Variants in HCRTR2 observed in about 807,000 individuals in gnomAD.
The protein encoded by HCRTR2 is orexin receptor type 2.
A neutral mutation model predicts 49.0 loss-of-function variants in HCRTR2; 22 were observed. That is an observed-to-expected ratio of 0.45 (90% CI 0.32 to 0.64). The LOEUF is 0.64. Among genes scored for constraint, HCRTR2 ranks in the 30% least tolerant of loss-of-function variants. The pLI, the probability that HCRTR2 is intolerant of heterozygous loss-of-function variation, is 0.04. For synonymous variants in HCRTR2, 236 were observed against 205.3 expected (o/e 1.15, Z -1.28); for missense variants, 491 against 559.4 (o/e 0.88, Z 1.23).
chr6:55,150,900 G>A (rs551336566), intron 1 of HCRTR2, among the ~76,000 whole-genome samples: 1 of 152,042 alleles, frequency 6.6e-6, no homozygotes, highest in Admixed American at 6.6e-5. Flanking sequence ...CTACAATAAA[G>A]TGAATATCAC....
chr6:55,192,809 G>T (rs572441886), intron 1 of HCRTR2, among the ~76,000 whole-genome samples: 2 of 152,114 alleles, frequency 1.3e-5, no homozygotes, highest in South Asian at 4.1e-4. Flanking sequence ...TGTAGTTGTT[G>T]CCCATTTTTC....
intron 4 of HCRTR2, among the ~76,000 whole-genome samples, chr6:55,276,390 C>CA: frequency 6.6e-6 from 1 of 152,228 alleles, no homozygotes; most frequent in East Asian, 1.9e-4. Context: ...TAAAAAGCAA[C>CA]AAAATCTATC....
chr6:55,188,957 A>G (rs1020711519), intron 1 of HCRTR2, among the ~76,000 whole-genome samples: 3 of 152,222 alleles, frequency 2.0e-5, no homozygotes, highest in Admixed American at 2.0e-4. Flanking sequence ...AAGTACTAAG[A>G]TTAAATGCAT....
At chr6:55,209,738 T>A (rs1273540202) in intron 1 of HCRTR2, among the ~76,000 whole-genome samples, 1 of 152,226 alleles carries the variant, frequency 6.6e-6, no homozygotes, top group Non-Finnish European at 1.5e-5. Flanking sequence ...TGGCAATACT[T>A]ACTTTAAAGT....
chr6:55,281,609 TA>T (rs1271191791), intron 6 of HCRTR2, among the ~76,000 whole-genome samples: 8 of 152,222 alleles, frequency 5.3e-5, no homozygotes, highest in African/African-American at 1.9e-4. Context: ...TTCACACTAA[TA>T]AAAGTGATTC....
At chr6:55,265,477 A>G (rs1365032338) in intron 4 of HCRTR2, among the ~76,000 whole-genome samples, 1 of 152,162 alleles carries the variant, frequency 6.6e-6, no homozygotes, top group African/African-American at 2.4e-5. Flanking sequence ...ACTTTCTGGG[A>G]CATGGCATTC....
intron 1 of HCRTR2, among the ~76,000 whole-genome samples, chr6:55,108,477 C>A (rs997664505): frequency 2.0e-5 from 3 of 151,994 alleles, no homozygotes; most frequent in African/African-American, 7.2e-5. Context: ...CACATCCTCA[C>A]CCCAATTCAT....
intron 1 of HCRTR2, among the ~76,000 whole-genome samples, chr6:55,207,781 G>A (rs764347709): frequency 2.6e-5 from 4 of 152,052 alleles, no homozygotes; most frequent in African/African-American, 7.2e-5. Flanking sequence ...TTCTTCTAAC[G>A]ATAAAATAGC....
intron 1 of HCRTR2, among the ~76,000 whole-genome samples, chr6:55,155,009 C>T (rs1439539701): frequency 1.1e-4 from 17 of 151,490 alleles, no homozygotes; most frequent in Non-Finnish European, 1.5e-5. Flanking sequence ...ATCTTAAGAA[C>T]AAATTTAACC....
At chr6:55,201,300 A>G (rs977659736) in intron 1 of HCRTR2, among the ~76,000 whole-genome samples, 1 of 87,038 alleles carries the variant, frequency 1.1e-5, no homozygotes, top group Non-Finnish European at 2.2e-5. Context: ...ATCAATAATA[A>G]CAATTAGTAA....
intron 1 of HCRTR2, among the ~76,000 whole-genome samples, chr6:55,142,201 A>ATT (rs1004230733): frequency 6.8e-6 from 1 of 146,180 alleles, no homozygotes. Flanking sequence ...TTAAAAAAAA[A>ATT]TTTTTTTTTT....
chr6:55,228,617 G>A (rs746236965), intron 1 of HCRTR2, among the ~76,000 whole-genome samples: 2 of 152,012 alleles, frequency 1.3e-5, no homozygotes, highest in Non-Finnish European at 2.9e-5. Flanking sequence ...ATGTTTCACA[G>A]GTATCACACC....
At chr6:55,272,433 A>T (rs1766990418) in intron 4 of HCRTR2, among the ~76,000 whole-genome samples, 1 of 152,154 alleles carries the variant, frequency 6.6e-6, no homozygotes, top group African/African-American at 2.4e-5. Context: ...TTAGTTAGTG[A>T]TGATGTGATA....
intron 1 of HCRTR2, among the ~76,000 whole-genome samples, chr6:55,155,980 C>G (rs1001954744): frequency 5.3e-5 from 8 of 151,886 alleles, no homozygotes; most frequent in Admixed American, 5.2e-4. Context: ...GTCATCTAAA[C>G]TTCAGGTACC....
At chr6:55,173,470 T>C (rs1054701769), upstream of HCRTR2, among the ~76,000 whole-genome samples, 5 of 152,198 alleles carry the variant, frequency 3.3e-5, no homozygotes, top group Admixed American at 2.6e-4. Context: ...AATAAAAGGA[T>C]CATGAATTCA....
chr6:55,224,626 T>TAA (rs112507038), intron 1 of HCRTR2, among the ~76,000 whole-genome samples: 15,968 of 142,250 alleles, frequency 0.11, 1,255 homozygotes, highest in African/African-American at 0.23. Flanking sequence ...CCGTCTCAGT[T>TAA]AAAAAAAAAA....
At chr6:55,268,303 T>A (rs1470901467) in intron 4 of HCRTR2, among the ~76,000 whole-genome samples, 1 of 152,028 alleles carries the variant, frequency 6.6e-6, no homozygotes, top group Non-Finnish European at 1.5e-5. Context: ...AGAGATACAA[T>A]ATATATAAGT....
chr6:55,216,617 T>C (rs537468015), intron 1 of HCRTR2, among the ~76,000 whole-genome samples: 1 of 152,282 alleles, frequency 6.6e-6, no homozygotes, highest in African/African-American at 2.4e-5. Context: ...CTTTTTTGGG[T>C]CCATGTTAAG....
intron 1 of HCRTR2, among the ~76,000 whole-genome samples, chr6:55,127,042 T>A (rs1039144073): frequency 2.8e-4 from 42 of 152,136 alleles, no homozygotes; most frequent in African/African-American, 9.4e-4. Context: ...ACCACTTGGC[T>A]GCCTGGCTTC....
Sources: allele counts gnomAD v4.1 joint callset (sites outside exome capture counted in the v4.1 genomes callset), GRCh38; gene constraint gnomAD v4.1.1; transcripts MANE v1.5; gene names NCBI Gene and HGNC (gene_info 2026-07-23, HGNC 2026-07-21).